Variants in COL23A1 observed in about 807,000 individuals in gnomAD.
COL23A1 encodes the protein collagen alpha-1(XXIII) chain.
In COL23A1, 97 loss-of-function variants were observed where a neutral mutation model predicts 99.3. That is an observed-to-expected ratio of 0.98 (90% CI 0.83 to 1.16). The LOEUF (loss-of-function observed/expected upper bound fraction) is 1.16. Among genes scored for constraint, COL23A1 ranks in the 50% most tolerant of loss-of-function variants. The pLI is 0.00. For missense variants in COL23A1, 762 were observed against 757.4 expected (o/e 1.01, Z -0.07); for synonymous variants, 320 against 308.2 (o/e 1.04, Z -0.40).
At chr5:178,321,780 C>T (rs1444198698) in intron 2 of COL23A1, among the ~76,000 whole-genome samples, 7 of 151,830 alleles carry the variant, frequency 4.6e-5, no homozygotes, top group Non-Finnish European at 8.8e-5. Context: ...TGAGCCACCG[C>T]GCCCGGCCCC....
intron 13 of COL23A1, 88 bp from the exon 14 acceptor site, chr5:178,257,016 AGCCTC>A: frequency 7.8e-7 from 1 of 1,279,278 alleles, no homozygotes; most frequent in Non-Finnish European, 1.1e-6. Flanking sequence ...GGTTGCCTGA[AGCCTC>A]GCGATTAGGC....
intron 25 of COL23A1, among the ~76,000 whole-genome samples, chr5:178,245,388 T>C (rs1400212395): frequency 1.3e-5 from 2 of 148,984 alleles, no homozygotes; most frequent in East Asian, 4.1e-4. Context: ...CCATAGTGGA[T>C]AGATAGATGA....
Position 178,255,371 on chromosome 5 carries a change from C to A in COL23A1, c.883-345G>T, listed in dbSNP as rs752282. Among the ~76,000 whole-genome samples the A allele has an allele frequency of 6.6e-6, 1 of 152,170 alleles. No homozygotes were observed. The highest frequency in any genetic ancestry group is 1.9e-4 in the East Asian group (1 of 5,194). ...AACAAACAGAAAAGCCCCAAACCCT[C>A]CAAAACACAAAGACATGAGCAGGCT... On this transcript the variant is annotated intron_variant, in intron 15 of 28. Coordinates refer to ENST00000390654, the MANE Select transcript of COL23A1 (RefSeq NM_173465.4). The surrounding 1 kb of genome is among the most constrained non-coding windows in gnomAD (Gnocchi z 4.2).
chr5:178,344,927 C>T (rs1460044674), intron 2 of COL23A1: 13 of 681,898 alleles, frequency 1.9e-5, no homozygotes, highest in East Asian at 8.1e-5. Flanking sequence ...ATTTGGGTCT[C>T]GATCCAGAAA....
At chr5:178,421,083 C>A (rs1581358231) in intron 2 of COL23A1, among the ~76,000 whole-genome samples, 2 of 152,082 alleles carry the variant, frequency 1.3e-5, no homozygotes, top group Non-Finnish European at 2.9e-5. Flanking sequence ...TTTCCATTTT[C>A]TCTTAATAAA....
chr5:178,391,596 TG>T lies in COL23A1; in HGVS notation c.362-84678del, dbSNP rs532035202. Among the ~76,000 whole-genome samples, 913 of 152,202 alleles carry T rather than the reference TG, an allele frequency of 6.0e-3. 5 individuals carry two copies. Among genetic ancestry groups the T allele is most frequent in the African/African-American group, 0.02 (825 of 41,534 alleles). ...AGACAGTCAAAAATGTTGGTGAGGA[TG>T]GGGGGAAACTGGAACCCTCATCCAT... On this transcript the variant is annotated intron_variant, in intron 2 of 28. Transcript: ENST00000390654.
At chr5:178,284,517 A>C (rs562921211) in intron 5 of COL23A1, among the ~76,000 whole-genome samples, 2 of 152,350 alleles carry the variant, frequency 1.3e-5, no homozygotes, top group South Asian at 4.1e-4. Context: ...TACACATCAA[A>C]AGCCTTACAC....
rs142183875 is a variant in COL23A1 at position 178,343,651 on chromosome 5, T to TTATATATA, written c.362-36740_362-36733dup. ...TTGTGCAAACATCTGAATTTTTCCA[T>TTATATATA]TATATATATATATTTTTTTTTTTTT... is the stretch of plus-strand genomic sequence containing the variant. On this transcript the variant is annotated intron_variant, in intron 2 of 28. Transcript: ENST00000390654. Among the ~76,000 whole-genome samples, 315 of 127,134 alleles carry TTATATATA rather than the reference T, an allele frequency of 2.5e-3. 1 individual carries two copies. The highest frequency in any genetic ancestry group is 8.6e-3 in the African/African-American group (293 of 34,222). The allele number at this position is 127,134 out of a possible 152,430, so 83.4% of individuals were successfully genotyped here.
chr5:178,548,827 A>G (rs537763217), intron 2 of COL23A1, among the ~76,000 whole-genome samples: 46 of 152,326 alleles, frequency 3.0e-4, no homozygotes, highest in African/African-American at 1.0e-3. Flanking sequence ...AAAAATGTCC[A>G]TCAAGGCTTT....
At chr5:178,377,736 G>A (rs181941692) in intron 2 of COL23A1, among the ~76,000 whole-genome samples, 2 of 152,338 alleles carry the variant, frequency 1.3e-5, no homozygotes, top group East Asian at 1.9e-4. Context: ...CCGGGAGGCC[G>A]AGAGAGCAGG....
chr5:178,357,003 C>A (rs1192383016), intron 2 of COL23A1, among the ~76,000 whole-genome samples: 2 of 152,236 alleles, frequency 1.3e-5, no homozygotes, highest in Non-Finnish European at 2.9e-5. Flanking sequence ...GTTAGGCTGG[C>A]CTTTTCCAAA....
chr5:178,316,966 A>C (rs1759015815), intron 2 of COL23A1, among the ~76,000 whole-genome samples: 1 of 152,166 alleles, frequency 6.6e-6, no homozygotes, highest in African/African-American at 2.4e-5. Flanking sequence ...TATTCTATGG[A>C]GTGAGACTGA....
At chr5:178,526,237 C>A (rs908374521) in intron 2 of COL23A1, among the ~76,000 whole-genome samples, 1 of 152,198 alleles carries the variant, frequency 6.6e-6, no homozygotes. Flanking sequence ...CTTCTGGCTG[C>A]CCCGGGAACT....
intron 2 of COL23A1, among the ~76,000 whole-genome samples, chr5:178,374,712 A>T (rs916333569): frequency 6.6e-6 from 1 of 152,242 alleles, no homozygotes; most frequent in Non-Finnish European, 1.5e-5. Flanking sequence ...ATCAAAAGTC[A>T]GATAATAACA....
chr5:178,298,149 C>A (rs888131187), intron 3 of COL23A1, among the ~76,000 whole-genome samples: 1 of 152,170 alleles, frequency 6.6e-6, no homozygotes, highest in African/African-American at 2.4e-5. Flanking sequence ...TCAGTAAAAG[C>A]CAGATGACCT....
intron 1 of COL23A1, among the ~76,000 whole-genome samples, chr5:178,567,795 G>T (rs73344490): frequency 1.6e-4 from 25 of 152,204 alleles, no homozygotes; most frequent in Middle Eastern, 3.4e-3. Flanking sequence ...ATAACGCAAA[G>T]AATAAATTAA....
intron 2 of COL23A1, among the ~76,000 whole-genome samples, chr5:178,326,754 C>T (rs551594014): frequency 6.6e-6 from 1 of 152,332 alleles, no homozygotes; most frequent in East Asian, 1.9e-4. Context: ...GAGTCTCGCT[C>T]TGTCACCCAG....
chr5:178,579,950 G>T (rs1763574548), intron 1 of COL23A1, among the ~76,000 whole-genome samples: 1 of 152,308 alleles, frequency 6.6e-6, no homozygotes, highest in East Asian at 1.9e-4. Flanking sequence ...GCCACCAGGG[G>T]CCAATCGCTG....
At chr5:178,485,504 G>A (rs1581481504) in intron 2 of COL23A1, among the ~76,000 whole-genome samples, 2 of 150,962 alleles carry the variant, frequency 1.3e-5, no homozygotes, top group East Asian at 3.9e-4. Flanking sequence ...CGGGTGTGGT[G>A]GCTCATGCCT....
Sources: allele counts gnomAD v4.1 joint callset (sites outside exome capture counted in the v4.1 genomes callset), GRCh38; gene constraint gnomAD v4.1.1; non-coding constraint Gnocchi (gnomAD v3.1); transcripts MANE v1.5; gene names NCBI Gene and HGNC (gene_info 2026-07-23, HGNC 2026-07-21).